CHRNB3: variants seen among roughly 807,000 people sequenced by gnomAD.
The protein encoded by CHRNB3 is cholinergic receptor nicotinic beta 3 subunit.
A neutral mutation model predicts 40.6 loss-of-function variants in CHRNB3; 37 were observed. That is an observed-to-expected ratio of 0.91 (90% CI 0.70 to 1.20). CHRNB3 has a LOEUF of 1.20. CHRNB3 is among the 50% of genes most tolerant of loss of function. The pLI is 0.00. For missense variants in CHRNB3, 505 were observed against 551.2 expected, an observed-to-expected ratio of 0.92 and a Z score of 0.84; for synonymous variants, 207 against 207.1, an observed-to-expected ratio of 1.00 and a Z score of 0.00.
intron 3 of CHRNB3, among the ~76,000 whole-genome samples, chr8:42,728,045 GAGA>G (rs1333697848): frequency 6.6e-6 from 1 of 152,152 alleles, no homozygotes; most frequent in East Asian, 1.9e-4. Flanking sequence ...AAAAGACTGA[GAGA>G]AGATGTTTGT....
In CHRNB3 at chr8:42,736,680, A is replaced by G; in HGVS notation, c.*62A>G. On this transcript the variant is annotated 3_prime_UTR_variant, in exon 6 of 6. Coordinates refer to ENST00000289957, the MANE Select transcript of CHRNB3 (RefSeq NM_000749.5). Reference sequence around the variant, plus strand: ...CCTGACATCTGGCTATCACACAGACAGAATCCAAATGCATGTGCTTGTTCT... The same window carrying G: ...CCTGACATCTGGCTATCACACAGACGGAATCCAAATGCATGTGCTTGTTCT... The G allele has an allele frequency of 2.5e-6, 4 of 1,594,466 alleles. No homozygotes were observed. Among genetic ancestry groups the G allele is most frequent in the Non-Finnish European group, 2.6e-6 (3 of 1,164,642 alleles).
intron 1 of CHRNB3, among the ~76,000 whole-genome samples, chr8:42,700,250 C>T (rs1396816592): frequency 6.6e-6 from 1 of 151,830 alleles, no homozygotes; most frequent in Non-Finnish European, 1.5e-5. Flanking sequence ...CTCCTGACCT[C>T]GTGATCCACC....
At chr8:42,722,068 C>T (rs1816225921) in intron 3 of CHRNB3, 1 of 152,152 alleles carries the variant, frequency 6.6e-6, no homozygotes, top group South Asian at 2.1e-4. Flanking sequence ...TGATTTCCTC[C>T]TCTTTACATA....
intron 1 of CHRNB3, among the ~76,000 whole-genome samples, chr8:42,703,458 A>ATATATG (rs1563606411): frequency 4.0e-5 from 5 of 123,738 alleles, no homozygotes; most frequent in African/African-American, 1.3e-4. Context: ...ATATATATAT[A>ATATATG]TATGTATCCA....
At chr8:42,726,846 A>G (rs1421378952) in intron 3 of CHRNB3, among the ~76,000 whole-genome samples, 1 of 152,172 alleles carries the variant, frequency 6.6e-6, no homozygotes, top group Non-Finnish European at 1.5e-5. Context: ...AAAACTGCAA[A>G]ACACTAACAA....
At chr8:42,732,592 G>T (rs1192935282) in intron 5 of CHRNB3, 43 bp downstream of exon 5, 3 of 1,500,856 alleles carry the variant, frequency 2.0e-6, no homozygotes, top group South Asian at 1.4e-5. Context: ...GTAAAGGTAG[G>T]CCAAAGACAA....
chr8:42,731,790 G>C lies in CHRNB3; in HGVS notation c.483G>C (p.Pro161=), dbSNP rs747555836. ...SSCTMDVTFF[P]FDRQNCSMKF... ...GCACCATGGACGTCACGTTTTTCCC[G>C]TTCGACCGACAGAACTGCTCCATGA... The change falls in exon 5 of 6, where the codon CCG becomes CCC. Residue 161 remains proline, a synonymous_variant. Coordinates refer to ENST00000289957, the MANE Select transcript of CHRNB3 (RefSeq NM_000749.5). The C allele has an allele frequency of 1.0e-4, 167 of 1,613,872 alleles. No homozygotes were observed. The Middle Eastern group carries it at 6.7e-3, about 65-fold the overall frequency.
rs770493197 is a variant in CHRNB3, at chr8:42,730,634, A to G, written c.290A>G (p.Tyr97Cys). 2 of 1,609,184 alleles carry G rather than the reference A, an allele frequency of 1.2e-6. No homozygotes were observed. The highest frequency in any genetic ancestry group is 8.5e-7 in the Non-Finnish European group (1 of 1,177,134). The change falls in exon 4 of 6, where the codon TAT (tyrosine) becomes TGT (cysteine). Residue 97 changes from tyrosine (Y) to cysteine (C), a missense_variant. Tyr to Cys is a radical substitution (Grantham distance 194). Transcript: ENST00000289957. Reference protein sequence around the residue: ...DHKLRWNPDDYGGIHSIKVPS... With the variant: ...DHKLRWNPDDCGGIHSIKVPS... The stretch of plus-strand genomic sequence containing the variant: ...AAGTTACGCTGGAATCCTGATGATT[A>G]TGGTGGGATCCATTCCATTAAAGTT...
In CHRNB3 at chr8:42,698,715, A is replaced by T. The variant is rs999384086; in HGVS notation, c.52+1117A>T. ...CAGTTTGCCAATCACAAAAATGATA[A>T]GAAAATTCTGTGTGTTTGAGCTTAC... On this transcript the variant is annotated intron_variant, in intron 1 of 5. Transcript: ENST00000289957. Among the ~76,000 whole-genome samples, 3 of 152,244 alleles carry T rather than the reference A, an allele frequency of 2.0e-5. No homozygotes were observed. The East Asian group carries it at 5.8e-4, about 29-fold the overall frequency.
intron 3 of CHRNB3, among the ~76,000 whole-genome samples, chr8:42,717,148 C>T (rs924605270): frequency 2.0e-5 from 3 of 148,308 alleles, no homozygotes; most frequent in Non-Finnish European, 3.0e-5. Context: ...CCGAGGCGGG[C>T]GGATCACGAG....
rs1005202873 is a variant in CHRNB3 at position 42,729,257 on chromosome 8, A to G, written c.250-1337A>G. Among the ~76,000 whole-genome samples the G allele has an allele frequency of 1.1e-4, 16 of 152,010 alleles. No individual in the cohort carries two copies. In the East Asian group the frequency reaches 2.9e-3, roughly 28 times the overall value. On this transcript the variant is annotated intron_variant, in intron 3 of 5. Coordinates refer to ENST00000289957, the MANE Select transcript of CHRNB3 (RefSeq NM_000749.5). ...CCCGTCTCCACTAAAAAATACAAAA[A>G]AAATTAGCCGGGCGTGGTGGCGGGA...
intron 2 of CHRNB3, among the ~76,000 whole-genome samples, chr8:42,709,200 T>G (rs1815970795): frequency 1.3e-5 from 2 of 152,132 alleles, no homozygotes; most frequent in Non-Finnish European, 2.9e-5. Flanking sequence ...AGCCTGGGGC[T>G]GACGTGCTGT....
At chr8:42,722,520 A>T (rs941364421) in intron 3 of CHRNB3, among the ~76,000 whole-genome samples, 2 of 152,006 alleles carry the variant, frequency 1.3e-5, no homozygotes, top group African/African-American at 4.8e-5. Flanking sequence ...TGGACACAGT[A>T]CAGTATGATT....
At position 42,714,253 on chromosome 8, in the gene CHRNB3, T is replaced by C. The variant is rs1449701041; in HGVS notation, c.249+3819T>C. Among the ~76,000 whole-genome samples, 4 of 151,992 alleles carry C rather than the reference T, an allele frequency of 2.6e-5. No individual in the cohort carries two copies. In the East Asian group the frequency reaches 7.7e-4, roughly 29 times the overall value. On this transcript the variant is annotated intron_variant, in intron 3 of 5. Coordinates refer to ENST00000289957, the MANE Select transcript of CHRNB3 (RefSeq NM_000749.5). ...GCTCACGCCTGTAATCCCAGCACTT[T>C]GGGAGGCTGAGGCAGGTGGATCACA...
At chr8:42,699,675 G>GA (rs1815745188) in intron 1 of CHRNB3, 1 of 152,024 alleles carries the variant, frequency 6.6e-6, no homozygotes, top group South Asian at 2.1e-4. Context: ...CAGAAGAATC[G>GA]AATCGCTTGA....
At chr8:42,703,435 A>AAAAAAAAATATATATATAT in intron 1 of CHRNB3, among the ~76,000 whole-genome samples, 582 of 47,276 alleles carry the variant, frequency 0.012, 86 homozygotes, top group Non-Finnish European at 0.02. Context: ...AAAAAAAAAA[A>AAAAAAAAATATATATATAT]ATATTTATAT....
rs777151301 is a variant in CHRNB3, at chr8:42,730,752, A to T, written c.359+49A>T. The T allele has an allele frequency of 3.2e-6, 4 of 1,235,144 alleles. No individual in the cohort carries two copies. In the South Asian group the frequency reaches 4.3e-5, roughly 13 times the overall value. The allele number at this position is 1,235,144 out of a possible 1,614,324, so 76.5% of individuals were successfully genotyped here. ...TTATGGGGAAAAAAATAAATTTTTT[A>T]AAAAGTGAAAAAAAGGCTGGGCGCG... is the stretch of plus-strand genomic sequence containing the variant. On this transcript the variant is annotated intron_variant, in intron 4 of 5. Transcript: ENST00000289957.
intron 1 of CHRNB3, among the ~76,000 whole-genome samples, chr8:42,703,440 T>TTATATA (rs56211568): frequency 1.2e-5 from 1 of 80,694 alleles, no homozygotes; most frequent in South Asian, 5.5e-4. Context: ...AAAAAAATAT[T>TTATATA]TATATATATA....
At chr8:42,712,149 C>T (rs1347620331) in intron 3 of CHRNB3, among the ~76,000 whole-genome samples, 2 of 151,906 alleles carry the variant, frequency 1.3e-5, no homozygotes, top group Non-Finnish European at 2.9e-5. Flanking sequence ...CATGCCACCA[C>T]GCCCGGCTAA....
Sources: gnomAD v4.1 joint callset for allele counts (sites outside exome capture counted in the v4.1 genomes callset) on GRCh38, gnomAD v4.1.1 for gene constraint, MANE v1.5 for transcripts, NCBI Gene and HGNC (gene_info 2026-07-23, HGNC 2026-07-21) for gene names.